Variants in RRM2 observed in about 807,000 individuals in gnomAD.
RRM2 encodes ribonucleoside-diphosphate reductase subunit M2.
RRM2 carries 6 observed loss-of-function variants against 45.9 expected under a neutral mutation model. The ratio of observed to expected loss-of-function variants is 0.13; its 90% CI spans 0.07 to 0.26. RRM2 has a LOEUF of 0.26. RRM2 is among the 10% of genes least tolerant of loss of function. RRM2 has a pLI of 1.00. For synonymous variants in RRM2, 177 were observed against 173.0 expected, an observed-to-expected ratio of 1.02 and a Z score of -0.18; for missense variants, 343 against 489.5, an observed-to-expected ratio of 0.70 and a Z score of 2.82.
At chr2:10,141,907 C>G (rs767266949) in exon 2 of RRM2, 221 of 1,576,934 alleles carry the variant, frequency 1.4e-4, no homozygotes, top group Non-Finnish European at 1.8e-4. Context: ...CTCGGGGAGA[C>G]AGCACGCCAG....
At chr2:10,134,357 G>A (rs1558383499), downstream of RRM2, among the ~76,000 whole-genome samples, 1 of 152,032 alleles carries the variant, frequency 6.6e-6, no homozygotes, top group African/African-American at 2.4e-5. Context: ...TGGAGGGAGA[G>A]GTTAATCTAA....
chr2:10,167,661 G>A (rs1015694935), intron 3 of RRM2, among the ~76,000 whole-genome samples: 3 of 152,194 alleles, frequency 2.0e-5, no homozygotes, highest in Admixed American at 1.3e-4. Context: ...TGGGCCAGGA[G>A]GAAGTGGAGA....
chr2:10,144,628 C>T (rs942655796), intron 3 of RRM2, among the ~76,000 whole-genome samples: 1 of 152,158 alleles, frequency 6.6e-6, no homozygotes, highest in Admixed American at 6.5e-5. Context: ...TTTTAATAGC[C>T]AAGTTGTTGA....
rs113135494 is a variant in RRM2 at position 10,199,883 on chromosome 2, G to C, written n.483-10428G>C. ...AGTTTCACTCTTGTTGCCCAGGCTG[G>C]AGTGCAATGGTGCAATCTCAGCTCA... is the stretch of plus-strand genomic sequence containing the variant. On this transcript the variant is annotated intron_variant and non_coding_transcript_variant, in intron 3 of 3. Transcript: ENST00000381786. Among the ~76,000 whole-genome samples, 865 of 151,274 alleles carry C rather than the reference G, an allele frequency of 5.7e-3. 14 individuals carry two copies. Among genetic ancestry groups the C allele is most frequent in the African/African-American group, 0.019 (799 of 41,160 alleles).
At chr2:10,194,761 C>A (rs1664378988) in intron 3 of RRM2, among the ~76,000 whole-genome samples, 1 of 152,242 alleles carries the variant, frequency 6.6e-6, no homozygotes, top group Admixed American at 6.5e-5. Context: ...CAGACTTTGC[C>A]CTCTGACCAG....
intron 3 of RRM2, among the ~76,000 whole-genome samples, chr2:10,202,599 G>A (rs1026675005): frequency 6.6e-6 from 1 of 151,564 alleles, no homozygotes; most frequent in Non-Finnish European, 1.5e-5. Flanking sequence ...GGGTGAGAAG[G>A]TTTCTGGTCG....
Position 10,174,911 on chromosome 2 carries a change from T to C in RRM2, n.482+32536T>C, listed in dbSNP as rs561464487. Among the ~76,000 whole-genome samples the C allele has an allele frequency of 4.6e-5, 7 of 150,770 alleles. No homozygotes were observed. In the East Asian group the frequency reaches 1.4e-3, roughly 29 times the overall value. On this transcript the variant is annotated intron_variant and non_coding_transcript_variant, in intron 3 of 3. Transcript: ENST00000381786. ...AAAAATGTTGATAGCTACTATAAAG[T>C]TTCTCTTATGCAGTACCTCCTCATT...
intron 3 of RRM2, among the ~76,000 whole-genome samples, chr2:10,165,097 G>A (rs958788571): frequency 2.0e-5 from 3 of 152,172 alleles, no homozygotes; most frequent in Non-Finnish European, 1.5e-5. Context: ...GACCACAGGT[G>A]CACATCACCA....
intron 3 of RRM2, among the ~76,000 whole-genome samples, chr2:10,150,445 C>CAA (rs564823462): frequency 1.2e-4 from 10 of 84,432 alleles, no homozygotes; most frequent in East Asian, 7.7e-4. Context: ...GACTCTGCCT[C>CAA]AAAAAAAAAA....
chr2:10,190,912 G>A (rs944531106), intron 3 of RRM2, among the ~76,000 whole-genome samples: 3 of 152,062 alleles, frequency 2.0e-5, no homozygotes, highest in Admixed American at 6.6e-5. Context: ...GTCCCCATGC[G>A]CACTTCCTCT....
intron 5 of RRM2, 145 bp from the exon 6 acceptor site, chr2:10,126,730 A>AC: frequency 1.5e-6 from 1 of 676,568 alleles, no homozygotes; most frequent in Non-Finnish European, 2.6e-6. Flanking sequence ...TAAAAATAAA[A>AC]CATTTCGGTG....
At position 10,190,566 on chromosome 2, in the gene RRM2, A is replaced by G. The variant is rs866517961; in HGVS notation, n.483-19745A>G. Among the ~76,000 whole-genome samples, 29 of 147,886 alleles carry G rather than the reference A, an allele frequency of 2.0e-4. No homozygotes were observed. In the South Asian group the frequency reaches 5.7e-3, roughly 29 times the overall value. ...GGTGGTGGTGAGGATGGTGGTGGTG[A>G]TGATGGTGATGATCATGGTGATGGT... On this transcript the variant is annotated intron_variant and non_coding_transcript_variant, in intron 3 of 3. Coordinates refer to the RRM2 transcript ENST00000381786.
chr2:10,137,025 A>AC (rs1429077287), upstream of RRM2, among the ~76,000 whole-genome samples: 3 of 152,376 alleles, frequency 2.0e-5, no homozygotes, highest in East Asian at 5.8e-4. Context: ...TCTGAAGTCC[A>AC]CATCCCAGAT....
At chr2:10,190,727 C>CTTGGTGATGGTGGTCATG in intron 3 of RRM2, among the ~76,000 whole-genome samples, 1 of 60,262 alleles carries the variant, frequency 1.7e-5, no homozygotes, top group Admixed American at 1.6e-4. Flanking sequence ...GAGTGATGAT[C>CTTGGTGATGGTGGTCATG]TTGGCGGTGA....
chr2:10,124,849 A>C lies in RRM2; in HGVS notation c.568A>C (p.Arg190=). 6.3e-7 allele frequency: 1 copy of C among 1,596,952 alleles called. No homozygotes were observed. Among genetic ancestry groups the C allele is most frequent in the Non-Finnish European group, 8.6e-7 (1 of 1,167,686 alleles). ...CACTTACATAAAAGATCCCAAAGAA[A>C]GGTGAGTATTCAAGTGGTATGCCAA... is the stretch of plus-strand genomic sequence containing the variant. The part of the protein sequence containing the change: ...IDTYIKDPKE[R]EFLFNAIETM... The change falls in exon 5 of 10, where the codon AGG becomes CGG. Residue 190 remains arginine (R), a splice_region_variant and synonymous_variant. Coordinates refer to ENST00000304567, the MANE Select transcript of RRM2 (RefSeq NM_001034.4).
intron 3 of RRM2, among the ~76,000 whole-genome samples, chr2:10,187,030 C>T (rs6711940): frequency 0.31 from 47,133 of 152,190 alleles, 9,080 homozygotes; most frequent in Non-Finnish European, 0.44. Flanking sequence ...TGCCGGTGCC[C>T]CCGAGGCCCA....
At chr2:10,147,703 G>C (rs1663218100) in intron 3 of RRM2, among the ~76,000 whole-genome samples, 1 of 152,154 alleles carries the variant, frequency 6.6e-6, no homozygotes, top group African/African-American at 2.4e-5. Context: ...AAACACTTAT[G>C]AAAAGTGTGT....
intron 3 of RRM2, among the ~76,000 whole-genome samples, chr2:10,208,955 C>T (rs1664709188): frequency 6.6e-6 from 1 of 152,158 alleles, no homozygotes; most frequent in South Asian, 2.1e-4. Context: ...CGTGCTGGAT[C>T]CTGCCTGTTC....
chr2:10,156,123 G>A (rs1663419380), intron 3 of RRM2: 1 of 152,206 alleles, frequency 6.6e-6, no homozygotes, highest in Non-Finnish European at 1.5e-5. Context: ...TCACTTTTCA[G>A]TTAGCCTGTA....
Sources: gnomAD v4.1 joint callset for allele counts (sites outside exome capture counted in the v4.1 genomes callset) on GRCh38, gnomAD v4.1.1 for gene constraint, MANE v1.5 for transcripts, NCBI Gene and HGNC (gene_info 2026-07-23, HGNC 2026-07-21) for gene names.